FRMD4A: variants seen among roughly 807,000 people sequenced by gnomAD.
The protein encoded by FRMD4A is FERM domain containing 4A.
A neutral mutation model predicts 129.1 loss-of-function variants in FRMD4A; 29 were observed. The ratio of observed to expected loss-of-function variants is 0.22; its 90% CI spans 0.17 to 0.31. The LOEUF (loss-of-function observed/expected upper bound fraction) is 0.31, where lower values mean the gene tolerates loss of function less well. Among genes scored for constraint, FRMD4A ranks in the 10% least tolerant of loss-of-function variants. The pLI, the probability that FRMD4A is intolerant of heterozygous loss-of-function variation, is 1.00. For synonymous variants in FRMD4A, 634 were observed against 571.6 expected, an observed-to-expected ratio of 1.11 and a Z score of -1.56; for missense variants, 1,272 against 1,375.8, an observed-to-expected ratio of 0.92 and a Z score of 1.19.
chr10:14,153,724 A>G lies in FRMD4A; in HGVS notation c.45+176334T>C, dbSNP rs532810337. Among the ~76,000 whole-genome samples the G allele has an allele frequency of 2.7e-3, 417 of 152,270 alleles. 2 individuals carry two copies. The highest frequency in any genetic ancestry group is 9.0e-3 in the African/African-American group (375 of 41,556). On this transcript the variant is annotated intron_variant, in intron 2 of 24. Coordinates refer to ENST00000357447, the MANE Select transcript of FRMD4A (RefSeq NM_018027.5). ...CTCTGCTCTGCATCACAGGAAGTGCATTCCCTAGGTTCTCTGGCCAATCGC... is the reference window on the plus strand; with the variant it reads ...CTCTGCTCTGCATCACAGGAAGTGCGTTCCCTAGGTTCTCTGGCCAATCGC...
chr10:13,784,715 G>A (rs151149842), intron 5 of FRMD4A, among the ~76,000 whole-genome samples: 2 of 152,266 alleles, frequency 1.3e-5, no homozygotes, highest in East Asian at 1.9e-4. Flanking sequence ...TTGGCCAGGC[G>A]CGGTGGCTCA....
chr10:13,695,895 C>T (rs918998481), intron 14 of FRMD4A, among the ~76,000 whole-genome samples: 1 of 152,254 alleles, frequency 6.6e-6, no homozygotes, highest in African/African-American at 2.4e-5. Context: ...CTCTGCCCTT[C>T]CTCTGCCCTC....
In FRMD4A at chr10:13,761,696, C is replaced by T. The variant is rs757490270; in HGVS notation, c.442-27G>A. ...TGTAGAAGAAAAAATTCAACATCAG[C>T]GAAATACACTAAGCCAATGTTAGAG... On this transcript the variant is annotated intron_variant, in intron 7 of 24. Coordinates refer to ENST00000357447, the MANE Select transcript of FRMD4A (RefSeq NM_018027.5). The T allele has an allele frequency of 2.1e-5, 33 of 1,542,692 alleles. No homozygotes were observed. In the Admixed American group the frequency reaches 2.2e-4, roughly 10 times the overall value.
intron 2 of FRMD4A, among the ~76,000 whole-genome samples, chr10:14,020,679 T>G (rs1407639438): frequency 2.0e-5 from 3 of 151,780 alleles, no homozygotes; most frequent in Non-Finnish European, 4.4e-5. Context: ...TTTTTTTTTG[T>G]TTTGTTTAGA....
At chr10:13,801,216 C>T (rs766181092) in intron 4 of FRMD4A, among the ~76,000 whole-genome samples, 3 of 152,180 alleles carry the variant, frequency 2.0e-5, no homozygotes, top group African/African-American at 4.8e-5. Flanking sequence ...CGCTGCACTT[C>T]AGCCTGACAA....
intron 2 of FRMD4A, among the ~76,000 whole-genome samples, chr10:13,902,199 T>G (rs1360788340): frequency 1.3e-5 from 2 of 152,046 alleles, no homozygotes; most frequent in African/African-American, 4.8e-5. Flanking sequence ...ATTTTTAAAT[T>G]TTTTTGTAAA....
At chr10:13,974,019 CTTTTTTTTTT>C (rs66523920) in intron 2 of FRMD4A, among the ~76,000 whole-genome samples, 1 of 96,634 alleles carries the variant, frequency 1.0e-5, no homozygotes, top group African/African-American at 3.8e-5. Flanking sequence ...AGGGACAGTT[CTTTTTTTTTT>C]TTTTTTTTTT....
At chr10:14,070,262 A>T (rs1835258391) in intron 2 of FRMD4A, among the ~76,000 whole-genome samples, 1 of 152,022 alleles carries the variant, frequency 6.6e-6, no homozygotes, top group South Asian at 2.1e-4. Flanking sequence ...TCCTCTATCC[A>T]CACTTACTGC....
chr10:13,940,289 T>A (rs547174575), intron 2 of FRMD4A, among the ~76,000 whole-genome samples: 2 of 152,230 alleles, frequency 1.3e-5, no homozygotes, highest in African/African-American at 4.8e-5. Context: ...GTCAACTTCT[T>A]CAAGGCCTGT....
chr10:14,184,682 T>C (rs1341395146), intron 2 of FRMD4A, among the ~76,000 whole-genome samples: 1 of 152,138 alleles, frequency 6.6e-6, no homozygotes, highest in East Asian at 1.9e-4. Context: ...TGGCTTCTGT[T>C]TCTACCTCTC....
intron 3 of FRMD4A, among the ~76,000 whole-genome samples, chr10:13,856,633 TGGGAAGGAGCGTGTTCTAGGAAGAGAGA>T (rs766065815): frequency 1.3e-5 from 2 of 152,010 alleles, no homozygotes; most frequent in Non-Finnish European, 2.9e-5. Context: ...CGCGGGGGTG[TGGGAAGGAGCGTGTTCTAGGAAGAGAGA>T]ATAACACAGG....
At chr10:13,962,633 C>A (rs573936855) in intron 2 of FRMD4A, among the ~76,000 whole-genome samples, 1 of 152,134 alleles carries the variant, frequency 6.6e-6, no homozygotes, top group African/African-American at 2.4e-5. Flanking sequence ...TAAGTAAAAC[C>A]CTGGCTGTTC....
At chr10:14,004,360 T>C (rs986243681) in intron 2 of FRMD4A, among the ~76,000 whole-genome samples, 9 of 151,972 alleles carry the variant, frequency 5.9e-5, no homozygotes, top group Admixed American at 3.3e-4. Flanking sequence ...CTGGCCAACA[T>C]GGTGAAACCC....
chr10:13,979,964 C>T (rs1018071705), intron 2 of FRMD4A, among the ~76,000 whole-genome samples: 2 of 152,180 alleles, frequency 1.3e-5, no homozygotes, highest in Non-Finnish European at 2.9e-5. Flanking sequence ...TCTATGAGCA[C>T]CCCATTCCCT....
rs10674411 is a variant in FRMD4A at position 14,227,243 on chromosome 10, C to CTTTTTTT, written c.45+102808_45+102814dup. Among the ~76,000 whole-genome samples, 603 of 64,120 alleles carry CTTTTTTT rather than the reference C, an allele frequency of 9.4e-3. 139 individuals carry two copies. Among genetic ancestry groups the CTTTTTTT allele is most frequent in the Non-Finnish European group, 0.012 (428 of 36,888 alleles). The allele number at this position is 64,120 out of a possible 152,430, so 42.1% of individuals were successfully genotyped here. On this transcript the variant is annotated intron_variant, in intron 2 of 24. Coordinates refer to ENST00000357447, the MANE Select transcript of FRMD4A (RefSeq NM_018027.5). Reference sequence around the variant, plus strand: ...TCCTCCTCCTCCTTCTCTTCTTCTTCTTTTTTTTTTTTTTTTTTTTTTTTT... The same window carrying CTTTTTTT: ...TCCTCCTCCTCCTTCTCTTCTTCTTCTTTTTTTTTTTTTTTTTTTTTTTTTTTTTTTT...
intron 24 of FRMD4A, among the ~76,000 whole-genome samples, chr10:13,648,456 G>A (rs1057298321): frequency 3.3e-5 from 5 of 152,130 alleles, no homozygotes; most frequent in Non-Finnish European, 5.9e-5. Flanking sequence ...CGTGGTCCTG[G>A]TGGTGCTCTC....
At chr10:13,885,113 A>T (rs2094603401) in intron 2 of FRMD4A, among the ~76,000 whole-genome samples, 1 of 152,220 alleles carries the variant, frequency 6.6e-6, no homozygotes, top group Non-Finnish European at 1.5e-5. Flanking sequence ...TGCCTAATGC[A>T]GTAGCTCATG....
In FRMD4A at chr10:13,755,117, T is replaced by C. The variant is rs562455921; in HGVS notation, c.464+6530A>G. 2.6e-5 allele frequency among the ~76,000 whole-genome samples: 4 copies of C among 152,344 alleles called. No individual in the cohort carries two copies. In the South Asian group the frequency reaches 6.2e-4, roughly 24 times the overall value. ...AGCTGGCAAGAAAATGACTTTGTCA[T>C]CTTTTTAAAGATCGCAATCGATATA... On this transcript the variant is annotated intron_variant, in intron 8 of 24. Coordinates refer to ENST00000357447, the MANE Select transcript of FRMD4A (RefSeq NM_018027.5).
At position 14,067,072 on chromosome 10, in the gene FRMD4A, C is replaced by T. The variant is rs371240937; in HGVS notation, c.46-208160G>A. 2.0e-5 allele frequency among the ~76,000 whole-genome samples: 3 copies of T among 152,228 alleles called. No individual in the cohort carries two copies. The South Asian group carries it at 6.2e-4, about 32-fold the overall frequency. On this transcript the variant is annotated intron_variant, in intron 2 of 24. Transcript: ENST00000357447. ...GTGGCTCACGCCTGTAATCCCAGCA[C>T]TTTGGGAGGCCGAGGTGGGTGGATC...
Sources: gnomAD v4.1 joint callset for allele counts (sites outside exome capture counted in the v4.1 genomes callset) on GRCh38, gnomAD v4.1.1 for gene constraint, MANE v1.5 for transcripts, NCBI Gene and HGNC (gene_info 2026-07-23, HGNC 2026-07-21) for gene names.